The following RNF217 variants were observed in gnomAD, a reference collection of about 807,000 sequenced individuals.
RNF217 encodes ring finger protein 217.
A neutral mutation model predicts 57.8 loss-of-function variants in RNF217; 31 were observed. The observed-to-expected ratio is 0.54, with a 90% CI of 0.40 to 0.72. The LOEUF (loss-of-function observed/expected upper bound fraction) is 0.72, where lower values mean the gene tolerates loss of function less well. Ranked by LOEUF, RNF217 falls within the 30% of genes least tolerant of loss-of-function variation. RNF217 has a pLI of 0.00. For missense variants in RNF217, 696 were observed against 708.3 expected (o/e 0.98, Z 0.20); for synonymous variants, 313 against 294.0 (o/e 1.06, Z -0.66).
chr6:124,994,341 A>G (rs774194892), intron 1 of RNF217, among the ~76,000 whole-genome samples: 16 of 152,262 alleles, frequency 1.1e-4, no homozygotes, highest in Middle Eastern at 3.4e-3. Context: ...ACGTGATTTC[A>G]TCTGCAAGTC....
intron 1 of RNF217, among the ~76,000 whole-genome samples, chr6:124,988,223 C>T (rs1216673578): frequency 6.6e-6 from 1 of 152,138 alleles, no homozygotes; most frequent in African/African-American, 2.4e-5. Flanking sequence ...ACCCCTGACC[C>T]CCATCCATGG....
chr6:125,046,854 T>G (rs532002385), intron 2 of RNF217, among the ~76,000 whole-genome samples: 1 of 152,170 alleles, frequency 6.6e-6, no homozygotes, highest in African/African-American at 2.4e-5. Context: ...GTTAATTTAT[T>G]TACTGTTTTT....
rs986204955 is a variant in RNF217 at position 125,087,727 on chromosome 6, A to G, written c.*4790A>G. The G allele has an allele frequency of 2.0e-5, 3 of 152,146 alleles. No homozygotes were observed. The highest frequency in any genetic ancestry group is 4.4e-5 in the Non-Finnish European group (3 of 68,008). 9.4% of individuals were successfully genotyped at this position (152,146 alleles called of 1,614,324 possible). A position where few individuals can be genotyped will look rare whatever the true frequency, so the allele number is the denominator to read the frequency against. On this transcript the variant is annotated 3_prime_UTR_variant, in exon 6 of 6. Coordinates refer to ENST00000521654, the MANE Select transcript of RNF217 (RefSeq NM_001286398.3). ...GAAAAGTAGCAATTTCTGAAATTGT[A>G]GTAATCTTGGAATGGTTATCAAACC... is the stretch of plus-strand genomic sequence containing the variant.
intron 1 of RNF217, 32 bp downstream of exon 1, chr6:124,963,458 C>T (rs1390535628): frequency 7.0e-7 from 1 of 1,436,484 alleles, no homozygotes; most frequent in African/African-American, 1.4e-5. Context: ...CCCCATTTAT[C>T]ATTCCAAATC....
At chr6:124,983,859 T>A (rs1325933947) in intron 1 of RNF217, among the ~76,000 whole-genome samples, 2 of 152,208 alleles carry the variant, frequency 1.3e-5, no homozygotes, top group Non-Finnish European at 2.9e-5. Flanking sequence ...AGAAATTTAT[T>A]GCTCACAATT....
At chr6:125,038,908 G>T (rs1786760854) in intron 1 of RNF217, among the ~76,000 whole-genome samples, 1 of 152,036 alleles carries the variant, frequency 6.6e-6, no homozygotes, top group Admixed American at 6.6e-5. Context: ...TGCCATGGTG[G>T]TTTGCTGCAA....
intron 2 of RNF217, chr6:125,048,357 A>G: frequency 1.1e-6 from 1 of 928,044 alleles, no homozygotes; most frequent in Admixed American, 2.3e-5. Context: ...CTTTAAGAGG[A>G]GTGAATTCAA....
intron 3 of RNF217, among the ~76,000 whole-genome samples, chr6:125,063,767 T>C (rs1009974484): frequency 1.3e-5 from 2 of 152,058 alleles, no homozygotes; most frequent in Non-Finnish European, 2.9e-5. Context: ...TACCACCATT[T>C]CAAGATGCAG....
chr6:125,046,956 G>A (rs1787119568), intron 2 of RNF217, among the ~76,000 whole-genome samples: 1 of 151,956 alleles, frequency 6.6e-6, no homozygotes, highest in African/African-American at 2.4e-5. Flanking sequence ...TACAAAAATT[G>A]TATAACTAAA....
At chr6:125,060,799 A>AT (rs1339612293) in intron 3 of RNF217, among the ~76,000 whole-genome samples, 1 of 152,186 alleles carries the variant, frequency 6.6e-6, no homozygotes, top group Admixed American at 6.6e-5. Flanking sequence ...TCAGATAGAA[A>AT]TTTGGAAAAG....
At chr6:125,008,526 A>G (rs533056860) in intron 1 of RNF217, among the ~76,000 whole-genome samples, 34 of 152,212 alleles carry the variant, frequency 2.2e-4, no homozygotes, top group Non-Finnish European at 4.3e-4. Flanking sequence ...CTTGGTTTCC[A>G]ACTTCTTGGA....
chr6:125,072,581 C>A (rs1788189390), intron 3 of RNF217, among the ~76,000 whole-genome samples: 1 of 152,032 alleles, frequency 6.6e-6, no homozygotes, highest in Non-Finnish European at 1.5e-5. Flanking sequence ...GATTTTAGAA[C>A]CCAATGAAGC....
chr6:124,990,124 T>C (rs1784505750), intron 1 of RNF217, among the ~76,000 whole-genome samples: 1 of 152,242 alleles, frequency 6.6e-6, no homozygotes, highest in African/African-American at 2.4e-5. Context: ...AAATACTTTC[T>C]TCACTTGACT....
chr6:125,039,423 A>G (rs1309772442), intron 1 of RNF217, among the ~76,000 whole-genome samples: 1 of 152,162 alleles, frequency 6.6e-6, no homozygotes, highest in African/African-American at 2.4e-5. Flanking sequence ...ATATGCACCC[A>G]ATACAGGAGC....
At chr6:124,974,800 G>A (rs921022685) in intron 1 of RNF217, among the ~76,000 whole-genome samples, 3 of 152,106 alleles carry the variant, frequency 2.0e-5, no homozygotes, top group African/African-American at 7.2e-5. Context: ...GTTTGTTTGT[G>A]GTATTCTAGT....
intron 1 of RNF217, among the ~76,000 whole-genome samples, chr6:125,027,749 G>A (rs905204985): frequency 6.6e-6 from 1 of 152,138 alleles, no homozygotes; most frequent in Admixed American, 6.5e-5. Flanking sequence ...CATAGTGGTT[G>A]TACTAATTTA....
Position 125,083,000 on chromosome 6 carries a change from A to G in RNF217, c.*63A>G. 1.8e-6 allele frequency: 2 copies of G among 1,104,632 alleles called. No homozygotes were observed. The highest frequency in any genetic ancestry group is 2.6e-6 in the Non-Finnish European group (2 of 773,248). The allele number at this position is 1,104,632 out of a possible 1,614,324, so 68.4% of individuals were successfully genotyped here. A position where few individuals can be genotyped will look rare whatever the true frequency, so the allele number is the denominator to read the frequency against. On this transcript the variant is annotated 3_prime_UTR_variant, in exon 6 of 6. Coordinates refer to ENST00000521654, the MANE Select transcript of RNF217 (RefSeq NM_001286398.3). ...AGGAGCGATACCAAAGGGTACACCC[A>G]TCTGTGAGTCACATCTTGAAAAACA...
chr6:125,091,392 G>C lies in RNF217; in HGVS notation c.*8455G>C, dbSNP rs1441228552. The stretch of plus-strand genomic sequence containing the variant: ...CATATATTTTTTGTGAGTGTTCTTT[G>C]GTCCCTCTATTTAAAGTGCTAAGGA... On this transcript the variant is annotated 3_prime_UTR_variant, in exon 6 of 6. Transcript: ENST00000521654. 1.3e-5 allele frequency: 2 copies of C among 151,690 alleles called. No individual in the cohort carries two copies. Among genetic ancestry groups the C allele is most frequent in the Non-Finnish European group, 2.9e-5 (2 of 67,850 alleles). 9.4% of individuals were successfully genotyped at this position (151,690 alleles called of 1,614,324 possible).
chr6:125,071,988 C>A (rs1209995017), intron 3 of RNF217, among the ~76,000 whole-genome samples: 2 of 152,110 alleles, frequency 1.3e-5, no homozygotes, highest in East Asian at 1.9e-4. Context: ...AAAACAGCTT[C>A]ATTGAGAACA....
Sources: allele counts gnomAD v4.1 joint callset (sites outside exome capture counted in the v4.1 genomes callset), GRCh38; gene constraint gnomAD v4.1.1; transcripts MANE v1.5; gene names NCBI Gene and HGNC (gene_info 2026-07-23, HGNC 2026-07-21).